Variants in KCNN2 observed in about 807,000 individuals in gnomAD.
KCNN2 encodes small conductance calcium-activated potassium channel protein 2.
KCNN2 carries 24 observed loss-of-function variants against 55.5 expected under a neutral mutation model. The observed-to-expected ratio is 0.43, with a 90% confidence interval of 0.31 to 0.61. KCNN2 has a LOEUF of 0.61. Ranked by LOEUF, KCNN2 falls within the 20% of genes least tolerant of loss-of-function variation. The pLI is 0.08. For synonymous variants in KCNN2, 431 were observed against 336.1 expected (o/e 1.28, Z -3.09); for missense variants, 754 against 853.6 (o/e 0.88, Z 1.45).
intron 1 of KCNN2, among the ~76,000 whole-genome samples, chr5:114,209,365 CT>C (rs1248405078): frequency 6.6e-6 from 1 of 151,912 alleles, no homozygotes; most frequent in Non-Finnish European, 1.5e-5. Flanking sequence ...ATTCCATTTC[CT>C]TTTCTTCTTA....
chr5:114,056,716 T>A (rs992277867), intron 1 of KCNN2, among the ~76,000 whole-genome samples: 5 of 152,162 alleles, frequency 3.3e-5, no homozygotes, highest in Admixed American at 1.3e-4. Context: ...AGTTCTGCAC[T>A]AGAGGCCATG....
intron 2 of KCNN2, among the ~76,000 whole-genome samples, chr5:114,349,209 GTGTTGTATCA>G (rs759349002): frequency 6.6e-6 from 1 of 152,040 alleles, no homozygotes; most frequent in Non-Finnish European, 1.5e-5. Flanking sequence ...AGGTTCATCC[GTGTTGTATCA>G]TGTATCAAGA....
chr5:114,090,586 T>C (rs115638704), intron 1 of KCNN2, among the ~76,000 whole-genome samples: 2,345 of 150,624 alleles, frequency 0.016, 55 homozygotes, highest in African/African-American at 0.053. Flanking sequence ...TGTATATATA[T>C]ACATATATAT....
chr5:114,235,506 A>G (rs1395980094), intron 2 of KCNN2, among the ~76,000 whole-genome samples: 1 of 152,194 alleles, frequency 6.6e-6, no homozygotes, highest in Non-Finnish European at 1.5e-5. Context: ...TGGAAAGCCT[A>G]CTGTATAGTT....
chr5:114,143,198 G>A (rs2112507679), intron 1 of KCNN2, among the ~76,000 whole-genome samples: 1 of 152,006 alleles, frequency 6.6e-6, no homozygotes, highest in Admixed American at 6.6e-5. Flanking sequence ...GAGGTGAGAT[G>A]GTCACATGGG....
At chr5:114,112,768 C>T (rs1043442239) in intron 1 of KCNN2, among the ~76,000 whole-genome samples, 18 of 152,032 alleles carry the variant, frequency 1.2e-4, no homozygotes, top group African/African-American at 4.3e-4. Context: ...ATTTTCCAGA[C>T]TGAATTAAAA....
At chr5:114,399,539 G>T (rs575907206) in intron 2 of KCNN2, among the ~76,000 whole-genome samples, 2 of 152,190 alleles carry the variant, frequency 1.3e-5, no homozygotes, top group African/African-American at 4.8e-5. Flanking sequence ...CGTTCATCAA[G>T]GATATTTACC....
intron 2 of KCNN2, among the ~76,000 whole-genome samples, chr5:114,327,927 G>A (rs1233881344): frequency 6.6e-6 from 1 of 152,148 alleles, no homozygotes; most frequent in Non-Finnish European, 1.5e-5. Context: ...ATTAGTATGT[G>A]CTTGACATAT....
At chr5:114,451,274 C>A (rs1180747856) in intron 3 of KCNN2, among the ~76,000 whole-genome samples, 1 of 152,272 alleles carries the variant, frequency 6.6e-6, no homozygotes, top group East Asian at 1.9e-4. Flanking sequence ...GGACATCGAA[C>A]TTTATTTTAA....
At chr5:114,361,323 A>G (rs1757416114), upstream of KCNN2, among the ~76,000 whole-genome samples, 1 of 152,008 alleles carries the variant, frequency 6.6e-6, no homozygotes, top group Non-Finnish European at 1.5e-5. Flanking sequence ...CACTTGGGCT[A>G]GAGCGCCGCG....
intron 1 of KCNN2, among the ~76,000 whole-genome samples, chr5:114,199,247 C>A (rs908816839): frequency 2.0e-5 from 3 of 152,006 alleles, no homozygotes; most frequent in African/African-American, 7.2e-5. Flanking sequence ...GACTCTTGAT[C>A]ACTTTGGTGT....
chr5:114,305,669 C>G (rs370745317), intron 2 of KCNN2, among the ~76,000 whole-genome samples: 1 of 152,150 alleles, frequency 6.6e-6, no homozygotes, highest in Non-Finnish European at 1.5e-5. Context: ...GCTGGATGTC[C>G]ACACATACAT....
chr5:114,252,959 T>TTA (rs1447592471), intron 2 of KCNN2, among the ~76,000 whole-genome samples: 1 of 152,070 alleles, frequency 6.6e-6, no homozygotes, highest in Non-Finnish European at 1.5e-5. Context: ...CCCATCTCTT[T>TTA]TATAAGCATG....
chr5:114,278,636 G>A (rs1278442856), intron 2 of KCNN2, among the ~76,000 whole-genome samples: 1 of 152,210 alleles, frequency 6.6e-6, no homozygotes, highest in Non-Finnish European at 1.5e-5. Context: ...TTCTGCACTA[G>A]CAGTGAGCAA....
chr5:114,225,888 A>G (rs1754229520), intron 2 of KCNN2, among the ~76,000 whole-genome samples: 1 of 152,210 alleles, frequency 6.6e-6, no homozygotes, highest in Admixed American at 6.5e-5. Flanking sequence ...TGTAAAATGA[A>G]TATTTAAGCT....
intron 2 of KCNN2, among the ~76,000 whole-genome samples, chr5:114,244,146 A>G (rs1224086628): frequency 6.6e-6 from 1 of 152,204 alleles, no homozygotes; most frequent in East Asian, 1.9e-4. Context: ...CTTCACTCAT[A>G]TCTAGTTAGG....
At chr5:114,404,914 GA>G (rs1031355105) in intron 3 of KCNN2, 58 bp downstream of exon 3, 352 of 1,434,416 alleles carry the variant, frequency 2.5e-4, no homozygotes, top group East Asian at 3.3e-4. Context: ...TCACAAGTAA[GA>G]AAAAAAAAAT....
intron 1 of KCNN2, among the ~76,000 whole-genome samples, chr5:114,079,422 A>G (rs1750753493): frequency 6.6e-6 from 1 of 152,222 alleles, no homozygotes; most frequent in Non-Finnish European, 1.5e-5. Context: ...CTCTTTCTTA[A>G]TTAAGCAACA....
At chr5:114,190,452 A>G (rs1374052558) in intron 1 of KCNN2, among the ~76,000 whole-genome samples, 1 of 152,180 alleles carries the variant, frequency 6.6e-6, no homozygotes, top group Non-Finnish European at 1.5e-5. Flanking sequence ...GAGTTAAAGA[A>G]AGCAAGTTGT....
Sources: gnomAD v4.1 joint callset for allele counts (sites outside exome capture counted in the v4.1 genomes callset) on GRCh38, gnomAD v4.1.1 for gene constraint, MANE v1.5 for transcripts, NCBI Gene and HGNC (gene_info 2026-07-23, HGNC 2026-07-21) for gene names.